Variants in HMGCS2 observed in about 807,000 individuals in gnomAD.
HMGCS2 encodes hydroxymethylglutaryl-CoA synthase, mitochondrial.
In HMGCS2, 50 loss-of-function variants were observed where a neutral mutation model predicts 57.4. The ratio of observed to expected loss-of-function variants is 0.87; its 90% CI spans 0.69 to 1.10. The LOEUF (loss-of-function observed/expected upper bound fraction) is 1.10, where lower values mean the gene tolerates loss of function less well. HMGCS2 is among the 50% of genes least tolerant of loss of function. The probability of loss-of-function intolerance (pLI) is 0.00; values close to 1 mark genes in which losing one functional copy is unlikely to be tolerated. For missense variants in HMGCS2, 627 were observed against 636.5 expected (o/e 0.99, Z 0.16); for synonymous variants, 254 against 245.1 (o/e 1.04, Z -0.34).
chr1:119,755,671 G>A (rs898364179), intron 5 of HMGCS2, 74 bp from the exon 6 acceptor site: 9 of 1,398,212 alleles, frequency 6.4e-6, no homozygotes, highest in Non-Finnish European at 9.2e-6. Flanking sequence ...AAAAGTAACA[G>A]CTTCTGGAGA....
chr1:119,756,050 T>A (rs1162661739), intron 5 of HMGCS2, among the ~76,000 whole-genome samples: 1 of 152,172 alleles, frequency 6.6e-6, no homozygotes, highest in Non-Finnish European at 1.5e-5. Context: ...TAGGTGTTCT[T>A]TTAAACACAT....
intron 1 of HMGCS2, among the ~76,000 whole-genome samples, chr1:119,765,329 C>T (rs1237333183): frequency 1.3e-5 from 2 of 152,194 alleles, no homozygotes; most frequent in Admixed American, 6.5e-5. Context: ...AGGATGGTCT[C>T]GATCTCCTGA....
At chr1:119,750,703 C>T in intron 9 of HMGCS2, 94 bp downstream of exon 9, 2 of 782,900 alleles carry the variant, frequency 2.6e-6, no homozygotes, top group East Asian at 2.6e-5. Context: ...AAACTTTCTT[C>T]TCCCTGCACC....
At chr1:119,762,710 G>A (rs1227333998) in intron 2 of HMGCS2, among the ~76,000 whole-genome samples, 1 of 152,164 alleles carries the variant, frequency 6.6e-6, no homozygotes, top group African/African-American at 2.4e-5. Flanking sequence ...CTCAAGCTTA[G>A]CTGTTTTTGT....
chr1:119,756,629 AAATATTAGTGTATTAGTGTAGTG>A (rs1652847287), intron 5 of HMGCS2, among the ~76,000 whole-genome samples: 1 of 152,234 alleles, frequency 6.6e-6, no homozygotes, highest in Non-Finnish European at 1.5e-5. Context: ...ATTTCTTTGT[AAATATTAGTGTATTAGTGTAGTG>A]AATCAATAAA....
intron 8 of HMGCS2, among the ~76,000 whole-genome samples, chr1:119,751,462 G>A (rs889782458): frequency 1.3e-5 from 2 of 151,486 alleles, no homozygotes; most frequent in Admixed American, 6.6e-5. Context: ...TGCCTCCTGG[G>A]TTCAAGTAAT....
chr1:119,758,936 T>A (rs1225595339), intron 4 of HMGCS2, among the ~76,000 whole-genome samples, 182 bp downstream of exon 4: 1 of 152,246 alleles, frequency 6.6e-6, no homozygotes, highest in Non-Finnish European at 1.5e-5. Flanking sequence ...ACACCTGAAG[T>A]TGAATGACTT....
intron 9 of HMGCS2, among the ~76,000 whole-genome samples, chr1:119,750,288 T>C (rs1480119646): frequency 1.3e-5 from 2 of 152,234 alleles, no homozygotes; most frequent in Non-Finnish European, 2.9e-5. Context: ...CTGTTGCTCA[T>C]CAGATCTGTT....
At chr1:119,758,927 C>T (rs1175413033) in intron 4 of HMGCS2, among the ~76,000 whole-genome samples, 191 bp downstream of exon 4, 2 of 152,250 alleles carry the variant, frequency 1.3e-5, no homozygotes, top group Non-Finnish European at 2.9e-5. Flanking sequence ...AGCAATTTTA[C>T]ACCTGAAGTT....
At chr1:119,750,933 T>C in intron 8 of HMGCS2, 25 bp from the exon 9 acceptor site, 1 of 1,363,178 alleles carries the variant, frequency 7.3e-7, no homozygotes, top group Non-Finnish European at 1.1e-6. Flanking sequence ...GAAGAGGCAG[T>C]ACTCACAAAG....
At position 119,762,660 on chromosome 1, in the gene HMGCS2, G is replaced by T. The variant is rs1571040548; in HGVS notation, c.559+1512C>A. ...ACACTGGCATCCTCTGGTCCTGGTGGTTACTGTCACCTGCAGGGTATGTAG... is the reference window on the plus strand; with the variant it reads ...ACACTGGCATCCTCTGGTCCTGGTGTTTACTGTCACCTGCAGGGTATGTAG... On this transcript the variant is annotated intron_variant, in intron 2 of 9. Transcript: ENST00000369406. 2.6e-5 allele frequency among the ~76,000 whole-genome samples: 4 copies of T among 152,256 alleles called. No individual in the cohort carries two copies. In the Middle Eastern group the frequency reaches 0.014, roughly 518 times the overall value.
chr1:119,748,626 C>T lies in HMGCS2; in HGVS notation c.*221G>A, dbSNP rs1652537016. 6.6e-6 allele frequency: 1 copy of T among 152,184 alleles called. No individual in the cohort carries two copies. The allele number at this position is 152,184 out of a possible 1,614,324, so 9.4% of individuals were successfully genotyped here. A position where few individuals can be genotyped will look rare whatever the true frequency, so the allele number is the denominator to read the frequency against. On this transcript the variant is annotated 3_prime_UTR_variant, in exon 10 of 10. Coordinates refer to ENST00000369406, the MANE Select transcript of HMGCS2 (RefSeq NM_005518.4). Reference sequence around the variant, plus strand: ...TGCTCTTTCACAAAGGACCCCTAGTCCATAGCACCATAAGCCCAGGACAGT... The same window carrying T: ...TGCTCTTTCACAAAGGACCCCTAGTTCATAGCACCATAAGCCCAGGACAGT...
At chr1:119,766,719 G>A (rs895704429) in intron 1 of HMGCS2, among the ~76,000 whole-genome samples, 2 of 151,970 alleles carry the variant, frequency 1.3e-5, no homozygotes, top group Admixed American at 6.6e-5. Context: ...CCTCATTCTC[G>A]CTCTGACTTC....
At chr1:119,754,718 C>T (rs887281780) in intron 6 of HMGCS2, among the ~76,000 whole-genome samples, 1 of 152,112 alleles carries the variant, frequency 6.6e-6, no homozygotes, top group Admixed American at 6.5e-5. Flanking sequence ...CCAAAGTCAA[C>T]CCTAATAATT....
At chr1:119,756,159 G>C (rs1447386438) in intron 5 of HMGCS2, among the ~76,000 whole-genome samples, 2 of 152,052 alleles carry the variant, frequency 1.3e-5, no homozygotes, top group African/African-American at 4.8e-5. Flanking sequence ...ATCCACTACT[G>C]CCCATTTTCC....
intron 7 of HMGCS2, 81 bp from the exon 8 acceptor site, chr1:119,752,755 G>C: frequency 1.3e-6 from 2 of 1,527,972 alleles, no homozygotes; most frequent in Admixed American, 3.3e-5. Context: ...CAGAGAGCCA[G>C]GTTCTGTGGG....
Position 119,755,449 on chromosome 1 carries a change from A to G in HMGCS2, c.1165T>C (p.Cys389Arg), listed in dbSNP as rs1437031967. 6.2e-7 allele frequency: 1 copy of G among 1,614,174 alleles called. No individual in the cohort carries two copies. Among genetic ancestry groups the G allele is most frequent in the Non-Finnish European group, 8.5e-7 (1 of 1,180,032 alleles). The change falls in exon 6 of 10, where the codon TGC becomes CGC. Residue 389 changes from cysteine to arginine, a missense_variant. Physicochemically the swap from Cys to Arg is radical, Grantham distance 180. Coordinates refer to ENST00000369406, the MANE Select transcript of HMGCS2 (RefSeq NM_005518.4). ...CACTGGGACAGAAGCGAGGCCAGGC[A>G]CCCGTACAGGGATGAGGTGTACATG... Reference protein sequence around the residue: ...GNMYTSSLYGCLASLLSHHSA... With the variant: ...GNMYTSSLYGRLASLLSHHSA...
At position 119,764,615 on chromosome 1, in the gene HMGCS2, G is replaced by T; in HGVS notation, c.116C>A (p.Ala39Asp). Residue 39 changes from alanine to aspartate, a missense_variant, in exon 2 of 10, where the codon GCC (alanine) becomes GAC (aspartate). Physicochemically the swap from Ala to Asp is moderately radical, Grantham distance 126. Coordinates refer to ENST00000369406, the MANE Select transcript of HMGCS2 (RefSeq NM_005518.4). ...TGTTTTGGCCAGGGGGACAGCAGAG[G>T]CTGTAGAAAACCTGTGATGGAGATA... ...LPVAHQRFST[A>D]SAVPLAKTDT... is the part of the protein sequence containing the mutation. The T allele has an allele frequency of 6.2e-7, 1 of 1,613,160 alleles. No individual in the cohort carries two copies. Among genetic ancestry groups the T allele is most frequent in the Non-Finnish European group, 8.5e-7 (1 of 1,179,468 alleles).
At chr1:119,756,834 G>T (rs1176925720) in intron 5 of HMGCS2, among the ~76,000 whole-genome samples, 1 of 152,160 alleles carries the variant, frequency 6.6e-6, no homozygotes, top group East Asian at 1.9e-4. Flanking sequence ...CTGTGTGTTT[G>T]TGTCTGTATA....
Sources: gnomAD v4.1 joint callset for allele counts (sites outside exome capture counted in the v4.1 genomes callset) on GRCh38, gnomAD v4.1.1 for gene constraint, MANE v1.5 for transcripts, NCBI Gene and HGNC (gene_info 2026-07-23, HGNC 2026-07-21) for gene names.